The following CBR4 variants were observed in gnomAD, a reference collection of about 807,000 sequenced individuals.
CBR4 encodes carbonyl reductase 4, also known as 3-oxoacyl-[acyl-carrier-protein] reductase.
CBR4 carries 22 observed loss-of-function variants against 21.0 expected under a neutral mutation model. That is an observed-to-expected ratio of 1.05 (90% CI 0.75 to 1.50). The LOEUF (loss-of-function observed/expected upper bound fraction) is 1.50. CBR4 is among the 40% of genes most tolerant of loss of function. CBR4 has a pLI of 0.00. For missense variants in CBR4, 302 were observed against 286.3 expected (o/e 1.05, Z -0.40); for synonymous variants, 100 against 104.4 (o/e 0.96, Z 0.26).
downstream of CBR4, among the ~76,000 whole-genome samples, chr4:168,983,069 G>C (rs368282721): frequency 3.9e-5 from 6 of 152,000 alleles, no homozygotes; most frequent in African/African-American, 1.4e-4. Context: ...ACCAAAATCA[G>C]AGCTGAACTG....
At chr4:168,911,340 A>G (rs1758904906) in intron 2 of CBR4, among the ~76,000 whole-genome samples, 1 of 152,194 alleles carries the variant, frequency 6.6e-6, no homozygotes, top group Non-Finnish European at 1.5e-5. Flanking sequence ...CGCATAAATG[A>G]TTAGTTCATT....
At chr4:168,938,688 G>A (rs1346957649) in intron 2 of CBR4, among the ~76,000 whole-genome samples, 1 of 152,140 alleles carries the variant, frequency 6.6e-6, no homozygotes, top group Non-Finnish European at 1.5e-5. Context: ...AAACCTCTAT[G>A]CAAATAAACT....
At chr4:168,923,328 A>G (rs1761953028) in intron 2 of CBR4, among the ~76,000 whole-genome samples, 1 of 152,208 alleles carries the variant, frequency 6.6e-6, no homozygotes, top group African/African-American at 2.4e-5. Context: ...TAGAATTTTC[A>G]TCCTTTTTGA....
chr4:168,898,369 C>CT, intron 2 of CBR4: 1 of 721,280 alleles, frequency 1.4e-6, no homozygotes, highest in South Asian at 1.5e-5. Context: ...TGGGCTCAGA[C>CT]TGTGTTTTTA....
At chr4:168,926,118 G>A (rs988045653) in intron 2 of CBR4, 7 of 1,038,832 alleles carry the variant, frequency 6.7e-6, no homozygotes, top group Middle Eastern at 2.5e-4. Context: ...CAGGTGCCTT[G>A]CATCTATCTA....
chr4:168,988,780 AT>A lies in CBR4; in HGVS notation c.*1369del. The A allele has an allele frequency of 1.0e-6, 1 of 957,232 alleles. No homozygotes were observed. The highest frequency in any genetic ancestry group is 1.2e-6 in the Non-Finnish European group (1 of 804,210). 59.3% of individuals were successfully genotyped at this position (957,232 alleles called of 1,614,324 possible). A position where few individuals can be genotyped will look rare whatever the true frequency, so the allele number is the denominator to read the frequency against. ...CTATTTCAAAGATAAATTTAAAATA[AT>A]TTTTAAGGAACCCAGAATTTTTATT... On this transcript the variant is annotated 3_prime_UTR_variant, in exon 5 of 5. Coordinates refer to ENST00000306193, the MANE Select transcript of CBR4 (RefSeq NM_032783.5).
At chr4:169,000,952 T>C (rs537091303) in intron 4 of CBR4, among the ~76,000 whole-genome samples, 1 of 152,182 alleles carries the variant, frequency 6.6e-6, no homozygotes, top group East Asian at 1.9e-4. Context: ...TGTAATGATA[T>C]AAAGAAAATC....
chr4:168,937,690 CCAA>C (rs924486383), intron 2 of CBR4, among the ~76,000 whole-genome samples: 3 of 148,526 alleles, frequency 2.0e-5, no homozygotes, highest in African/African-American at 7.4e-5. Flanking sequence ...AGACTTTAAA[CCAA>C]CAAAGATCAA....
chr4:168,998,867 T>C (rs554437938), intron 4 of CBR4, among the ~76,000 whole-genome samples: 77 of 152,170 alleles, frequency 5.1e-4, no homozygotes, highest in Non-Finnish European at 9.0e-4. Context: ...GGCTTATATA[T>C]GAAATACAAA....
chr4:169,007,575 C>T, intron 2 of CBR4, 61 bp downstream of exon 2: 1 of 1,040,308 alleles, frequency 9.6e-7, no homozygotes, highest in Non-Finnish European at 1.3e-6. Flanking sequence ...CAATCAAAGA[C>T]ATATTAGGAA....
At chr4:168,933,358 G>A (rs909429797) in intron 2 of CBR4, among the ~76,000 whole-genome samples, 6 of 152,110 alleles carry the variant, frequency 3.9e-5, no homozygotes, top group African/African-American at 1.4e-4. Context: ...GTGAGCAGAA[G>A]TAGCTATTCT....
chr4:169,008,041 T>C (rs971105973), intron 1 of CBR4, among the ~76,000 whole-genome samples: 7 of 152,200 alleles, frequency 4.6e-5, no homozygotes, highest in Non-Finnish European at 1.0e-4. Flanking sequence ...CTCTGTAAGA[T>C]TCATCTAATA....
At chr4:168,973,559 C>G (rs1764278795) in intron 2 of CBR4, among the ~76,000 whole-genome samples, 1 of 152,170 alleles carries the variant, frequency 6.6e-6, no homozygotes, top group Non-Finnish European at 1.5e-5. Context: ...AACTCCTGAC[C>G]TCAGGTGATC....
At chr4:169,005,638 T>C (rs1003921881) in intron 3 of CBR4, among the ~76,000 whole-genome samples, 8 of 152,216 alleles carry the variant, frequency 5.3e-5, no homozygotes, top group East Asian at 1.9e-4. Flanking sequence ...ACAGGCCTGT[T>C]TGCCTGCTTG....
At chr4:168,953,856 G>A (rs1285381184) in intron 2 of CBR4, among the ~76,000 whole-genome samples, 1 of 152,044 alleles carries the variant, frequency 6.6e-6, no homozygotes, top group East Asian at 1.9e-4. Context: ...ACATAGAGAA[G>A]AAAACTTCTA....
Position 168,963,996 on chromosome 4 carries a change from A to C in CBR4, n.169+38075T>G, listed in dbSNP as rs147866470. ...TGAATGGCAGTATTCCCAGGATGGAATAACTAAAATGCAACTGACAGGAAA... is the reference window on the plus strand; with the variant it reads ...TGAATGGCAGTATTCCCAGGATGGACTAACTAAAATGCAACTGACAGGAAA... On this transcript the variant is annotated intron_variant and non_coding_transcript_variant, in intron 2 of 3. Transcript: ENST00000509108. 4.8e-3 allele frequency among the ~76,000 whole-genome samples: 735 copies of C among 152,310 alleles called. 7 individuals are homozygous for C. Among genetic ancestry groups the C allele is most frequent in the Admixed American group, 5.5e-3 (84 of 15,294 alleles).
At chr4:168,978,881 C>T (rs1560974970) in intron 2 of CBR4, among the ~76,000 whole-genome samples, 1 of 152,160 alleles carries the variant, frequency 6.6e-6, no homozygotes, top group South Asian at 2.1e-4. Flanking sequence ...TGCAGCCACC[C>T]CACCCCTGCC....
chr4:168,984,514 T>C (rs1764630456), downstream of CBR4, among the ~76,000 whole-genome samples: 1 of 151,838 alleles, frequency 6.6e-6, no homozygotes, highest in African/African-American at 2.4e-5. Context: ...GCTATTCCTA[T>C]CACACTACCA....
chr4:168,989,261 CTAAGTT>C lies in CBR4; in HGVS notation c.*883_*888del, dbSNP rs1476056271. On this transcript the variant is annotated 3_prime_UTR_variant, in exon 5 of 5. Transcript: ENST00000306193. ...TTTTAAATATTAATAGTTCACTATT[CTAAGTT>C]TTTCATGAATAAAAAACACATCCTA... 3.7e-5 allele frequency: 36 copies of C among 983,886 alleles called. No individual in the cohort carries two copies. Among genetic ancestry groups the C allele is most frequent in the South Asian group, 3.3e-4 (7 of 21,266 alleles). 60.9% of individuals were successfully genotyped at this position (983,886 alleles called of 1,614,324 possible). A position where few individuals can be genotyped will look rare whatever the true frequency, so the allele number is the denominator to read the frequency against.
Sources: gnomAD v4.1 joint callset for allele counts (sites outside exome capture counted in the v4.1 genomes callset) on GRCh38, gnomAD v4.1.1 for gene constraint, MANE v1.5 for transcripts, NCBI Gene and HGNC (gene_info 2026-07-23, HGNC 2026-07-21) for gene names.